PREX2: variants seen among roughly 807,000 people sequenced by gnomAD.
PREX2 encodes the protein phosphatidylinositol 3,4,5-trisphosphate-dependent Rac exchanger 2 protein.
A neutral mutation model predicts 203.2 loss-of-function variants in PREX2; 107 were observed. The ratio of observed to expected loss-of-function variants is 0.53; its 90% CI spans 0.45 to 0.62. The LOEUF (loss-of-function observed/expected upper bound fraction) is 0.62. Among genes scored for constraint, PREX2 ranks in the 20% least tolerant of loss-of-function variants. The pLI is 0.00. For synonymous variants in PREX2, 672 were observed against 663.6 expected (o/e 1.01, Z -0.19); for missense variants, 1,777 against 1,955.9 (o/e 0.91, Z 1.72).
At chr8:68,031,513 T>C (rs551534028) in intron 6 of PREX2, among the ~76,000 whole-genome samples, 6 of 152,338 alleles carry the variant, frequency 3.9e-5, no homozygotes, top group African/African-American at 1.2e-4. Flanking sequence ...ACCTTTGATA[T>C]GGTATTTTTC....
At chr8:68,113,300 A>G (rs768455296) in intron 25 of PREX2, among the ~76,000 whole-genome samples, 2 of 152,258 alleles carry the variant, frequency 1.3e-5, no homozygotes, top group Non-Finnish European at 2.9e-5. Context: ...GAAAAAAATT[A>G]TGCTTAGCCC....
chr8:68,137,163 C>T (rs776357819), intron 32 of PREX2, among the ~76,000 whole-genome samples: 5 of 152,150 alleles, frequency 3.3e-5, no homozygotes, highest in East Asian at 1.9e-4. Context: ...ATCTCAGCCC[C>T]GCAAACTGTT....
intron 14 of PREX2, among the ~76,000 whole-genome samples, chr8:68,076,722 C>CACACACACACAT (rs1809361375): frequency 1.4e-5 from 2 of 143,680 alleles, no homozygotes; most frequent in Non-Finnish European, 3.1e-5. Context: ...CACACACACA[C>CACACACACACAT]ACATGCATGT....
intron 14 of PREX2, among the ~76,000 whole-genome samples, chr8:68,074,047 A>G (rs752011225): frequency 7.2e-5 from 11 of 151,892 alleles, no homozygotes; most frequent in Non-Finnish European, 1.6e-4. Flanking sequence ...GCTCACTGCA[A>G]CTTTCGCCTC....
intron 1 of PREX2, among the ~76,000 whole-genome samples, chr8:68,003,377 A>G (rs1293744144): frequency 6.6e-6 from 1 of 152,196 alleles, no homozygotes; most frequent in Non-Finnish European, 1.5e-5. Context: ...TTCAGTATCT[A>G]AATATCTCAG....
chr8:68,023,453 ACCCATT>A (rs1167944977), intron 4 of PREX2, among the ~76,000 whole-genome samples: 2 of 152,096 alleles, frequency 1.3e-5, no homozygotes, highest in Non-Finnish European at 2.9e-5. Context: ...CAAATCTTTT[ACCCATT>A]TAAAAATTGG....
At chr8:68,189,440 G>A (rs1812252546) in intron 35 of PREX2, among the ~76,000 whole-genome samples, 1 of 152,054 alleles carries the variant, frequency 6.6e-6, no homozygotes, top group Admixed American at 6.6e-5. Flanking sequence ...CACAATTCAA[G>A]CTCATTTCCT....
intron 1 of PREX2, among the ~76,000 whole-genome samples, chr8:68,009,078 A>C (rs1807187715): frequency 6.6e-6 from 1 of 152,214 alleles, no homozygotes; most frequent in African/African-American, 2.4e-5. Context: ...GTTAGATCAG[A>C]GTATGAGATG....
intron 38 of PREX2, among the ~76,000 whole-genome samples, chr8:68,222,858 G>C (rs1187947788): frequency 6.6e-6 from 1 of 152,226 alleles, no homozygotes; most frequent in Non-Finnish European, 1.5e-5. Context: ...CATCACTTCT[G>C]TGATTTTCTT....
In PREX2 at chr8:67,981,008, G is replaced by A. The variant is rs541050747; in HGVS notation, c.141+28473G>A. On this transcript the variant is annotated intron_variant, in intron 1 of 39. Transcript: ENST00000288368. ...CAACCTGGTGTAAGTAATCTAGGGG[G>A]CAATTGGATGGAATAGCAGCAAATG... Among the ~76,000 whole-genome samples the A allele has an allele frequency of 2.4e-4, 37 of 152,330 alleles. No individual in the cohort carries two copies. In the East Asian group the frequency reaches 4.2e-3, roughly 17 times the overall value.
At chr8:68,190,708 T>A (rs1812274860) in intron 35 of PREX2, among the ~76,000 whole-genome samples, 1 of 152,036 alleles carries the variant, frequency 6.6e-6, no homozygotes, top group Admixed American at 6.6e-5. Flanking sequence ...ATGTAATATA[T>A]CCATGTAAAA....
At chr8:68,083,186 C>A (rs915717261) in intron 17 of PREX2, 54 bp from the exon 18 acceptor site, 8 of 1,397,382 alleles carry the variant, frequency 5.7e-6, no homozygotes, top group South Asian at 1.4e-5. Flanking sequence ...GTGAAAAACT[C>A]AAAATTTCTT....
intron 11 of PREX2, among the ~76,000 whole-genome samples, chr8:68,061,220 T>C (rs1808840894): frequency 6.6e-6 from 1 of 152,094 alleles, no homozygotes; most frequent in African/African-American, 2.4e-5. Flanking sequence ...GGTGGCTTCT[T>C]TGGGCACCGG....
At chr8:68,120,387 G>A (rs1810747418) in intron 29 of PREX2, 101 bp downstream of exon 29, 2 of 737,336 alleles carry the variant, frequency 2.7e-6, no homozygotes, top group Non-Finnish European at 4.8e-6. Context: ...AACAATTCCA[G>A]TTACTCATGT....
intron 8 of PREX2, among the ~76,000 whole-genome samples, chr8:68,050,558 A>T (rs573288536): frequency 3.8e-4 from 58 of 152,306 alleles, no homozygotes; most frequent in African/African-American, 1.3e-3. Context: ...AACTTTGGGG[A>T]TTACAATTTG....
chr8:68,044,138 T>A (rs936269213), intron 7 of PREX2, among the ~76,000 whole-genome samples: 5 of 152,086 alleles, frequency 3.3e-5, no homozygotes, highest in Non-Finnish European at 7.4e-5. Flanking sequence ...TGAAAGAAAC[T>A]CAAATGAAAT....
chr8:68,066,324 AATTTAC>A (rs1251753995), intron 11 of PREX2, among the ~76,000 whole-genome samples: 1 of 152,088 alleles, frequency 6.6e-6, no homozygotes, highest in African/African-American at 2.4e-5. Context: ...TGGCTATATG[AATTTAC>A]ATCTCCACCA....
intron 11 of PREX2, among the ~76,000 whole-genome samples, chr8:68,068,710 T>C (rs921918273): frequency 6.6e-6 from 1 of 152,124 alleles, no homozygotes; most frequent in African/African-American, 2.4e-5. Flanking sequence ...TATATTTATA[T>C]AAATGTACAC....
At chr8:68,041,834 G>T (rs74625116) in intron 7 of PREX2, among the ~76,000 whole-genome samples, 2,449 of 152,078 alleles carry the variant, frequency 0.016, 60 homozygotes, top group African/African-American at 0.056. Flanking sequence ...CTGCCATCAA[G>T]ACCCAAATCT....
Sources: allele counts gnomAD v4.1 joint callset (sites outside exome capture counted in the v4.1 genomes callset), GRCh38; gene constraint gnomAD v4.1.1; transcripts MANE v1.5; gene names NCBI Gene and HGNC (gene_info 2026-07-23, HGNC 2026-07-21).